Variants in MYLK observed in about 807,000 individuals in gnomAD.
The protein encoded by MYLK is myosin light chain kinase, smooth muscle.
MYLK carries 106 observed loss-of-function variants against 203.4 expected under a neutral mutation model. The ratio of observed to expected loss-of-function variants is 0.52; its 90% CI spans 0.45 to 0.61. MYLK has a LOEUF of 0.61. Among genes scored for constraint, MYLK ranks in the 20% least tolerant of loss-of-function variants. The pLI is 0.00. For missense variants in MYLK, 2,072 were observed against 2,442.3 expected (o/e 0.85, Z 3.20); for synonymous variants, 867 against 959.5 (o/e 0.90, Z 1.78).
At chr3:123,795,984 G>A (rs1476708052) in intron 3 of MYLK, among the ~76,000 whole-genome samples, 1 of 152,130 alleles carries the variant, frequency 6.6e-6, no homozygotes, top group East Asian at 1.9e-4. Context: ...GCAGCAAAGG[G>A]ACTAGGCTCA....
chr3:123,655,897 G>A (rs959760430), intron 24 of MYLK, among the ~76,000 whole-genome samples: 5 of 152,220 alleles, frequency 3.3e-5, no homozygotes, highest in African/African-American at 1.2e-4. Context: ...TAGCCATGGT[G>A]AATTATAACA....
In MYLK at chr3:123,629,819, G is replaced by C. The variant is rs1342020954; in HGVS notation, c.4962-193C>G. 1 of 612,760 alleles carries C rather than the reference G, an allele frequency of 1.6e-6. No homozygotes were observed. Among genetic ancestry groups the C allele is most frequent in the Non-Finnish European group, 2.9e-6 (1 of 349,706 alleles). 38.0% of individuals were successfully genotyped at this position (612,760 alleles called of 1,614,324 possible). On this transcript the variant is annotated intron_variant, in intron 29 of 33. Coordinates refer to ENST00000360304, the MANE Select transcript of MYLK (RefSeq NM_053025.4). The surrounding 1 kb of genome is among the most constrained non-coding windows in gnomAD (Gnocchi z 4.4). ...GTGGTTCACAGCCCTGTCTTTTCTT[G>C]GTCACCTGCCTCTTGACACCACCTA...
chr3:123,845,460 T>C (rs1172862074), intron 2 of MYLK, among the ~76,000 whole-genome samples: 2 of 152,076 alleles, frequency 1.3e-5, no homozygotes, highest in African/African-American at 4.8e-5. Flanking sequence ...GCTGGGGAAA[T>C]AGACATGAGC....
intron 21 of MYLK, chr3:123,666,821 T>TAGGGCAGAGGATGGACAGC (rs1682450091): frequency 1.8e-6 from 1 of 567,628 alleles, no homozygotes; most frequent in African/African-American, 1.9e-5. Flanking sequence ...TACACAAGGG[T>TAGGGCAGAGGATGGACAGC]AGGGCAGAGG....
At chr3:123,838,813 A>G (rs971078055) in intron 2 of MYLK, among the ~76,000 whole-genome samples, 3 of 152,098 alleles carry the variant, frequency 2.0e-5, no homozygotes, top group African/African-American at 7.2e-5. Flanking sequence ...AAAAATTCTC[A>G]GCTGGATGTG....
chr3:123,770,693 T>G (rs535034814), intron 4 of MYLK, among the ~76,000 whole-genome samples: 1 of 152,316 alleles, frequency 6.6e-6, no homozygotes, highest in African/African-American at 2.4e-5. Context: ...GTATAGTTGA[T>G]GGAAGTTGGT....
chr3:123,644,026 T>G (rs2108145056), intron 27 of MYLK, among the ~76,000 whole-genome samples: 1 of 152,356 alleles, frequency 6.6e-6, no homozygotes, highest in Non-Finnish European at 1.5e-5. Context: ...TCAGACCAAC[T>G]ACTATATGGT....
chr3:123,791,246 T>A (rs2064768540), intron 4 of MYLK, among the ~76,000 whole-genome samples: 2 of 152,276 alleles, frequency 1.3e-5, no homozygotes, highest in South Asian at 2.1e-4. Flanking sequence ...AAGTTTTGAG[T>A]GTTTGGAGCT....
chr3:123,720,254 G>A (rs983770090), intron 13 of MYLK, among the ~76,000 whole-genome samples: 13 of 152,184 alleles, frequency 8.5e-5, no homozygotes, highest in Admixed American at 3.9e-4. Flanking sequence ...CCACAGGCCC[G>A]GGAGTCAGGA....
intron 27 of MYLK, chr3:123,644,699 T>A (rs1268119343): frequency 6.6e-6 from 1 of 152,204 alleles, no homozygotes; most frequent in African/African-American, 2.4e-5. Flanking sequence ...TGTTCTAGAA[T>A]AAATGTGAAA....
At chr3:123,734,968 T>TAGATCTC in intron 9 of MYLK, 1 of 281,256 alleles carries the variant, frequency 3.6e-6, no homozygotes, top group Non-Finnish European at 7.0e-6. Context: ...TGCGTTCGTG[T>TAGATCTC]GGTTTAAGCC....
intron 2 of MYLK, among the ~76,000 whole-genome samples, chr3:123,832,165 T>C (rs1413033993): frequency 6.6e-6 from 1 of 152,184 alleles, no homozygotes; most frequent in Non-Finnish European, 1.5e-5. Context: ...ACTGTGCTTC[T>C]AGAGGAGTGT....
chr3:123,621,900 GAAC>G (rs1482451340), intron 31 of MYLK: 5 of 152,316 alleles, frequency 3.3e-5, no homozygotes, highest in Non-Finnish European at 7.3e-5. Context: ...GATGAAAACT[GAAC>G]AACTTAACTG....
chr3:123,723,202 C>G (rs1489504475), intron 12 of MYLK, among the ~76,000 whole-genome samples: 1 of 152,154 alleles, frequency 6.6e-6, no homozygotes, highest in African/African-American at 2.4e-5. Flanking sequence ...AAATTGGGGT[C>G]GGCCAGTGGG....
In MYLK at chr3:123,739,208, G is replaced by A. The variant is rs2062781002; in HGVS notation, c.423-146C>T. 8 of 930,946 alleles carry A rather than the reference G, an allele frequency of 8.6e-6. No homozygotes were observed. In the South Asian group the frequency reaches 1.0e-4, roughly 12 times the overall value. 57.7% of individuals were successfully genotyped at this position (930,946 alleles called of 1,614,324 possible). ...TTTTATGCCTCAGAAACTTTCTCAT[G>A]CTCTCTCTAGAAAAATGTGTGGCAC... On this transcript the variant is annotated intron_variant, in intron 6 of 33. Transcript: ENST00000360304.
intron 18 of MYLK, among the ~76,000 whole-genome samples, chr3:123,695,651 C>G (rs861043): frequency 1.3e-5 from 2 of 152,154 alleles, no homozygotes; most frequent in Non-Finnish European, 2.9e-5. Context: ...TGCATAAATC[C>G]ATTTTTCGTA....
chr3:123,704,679 G>A (rs2061381846), intron 16 of MYLK, among the ~76,000 whole-genome samples: 1 of 147,018 alleles, frequency 6.8e-6, no homozygotes, highest in Non-Finnish European at 1.5e-5. Flanking sequence ...TGAGGTGGGC[G>A]AATCATGAGG....
Position 123,850,465 on chromosome 3 carries a change from G to A in MYLK, c.-126-18795C>T, listed in dbSNP as rs907892032. Reference sequence around the variant, plus strand: ...CTGGTGTGAGATGGTATCTCATTGCGGTTTTGATTTGCATTTCTCTGATGG... The same window carrying A: ...CTGGTGTGAGATGGTATCTCATTGCAGTTTTGATTTGCATTTCTCTGATGG... On this transcript the variant is annotated intron_variant, in intron 2 of 33. Coordinates refer to ENST00000360304, the MANE Select transcript of MYLK (RefSeq NM_053025.4). 5.3e-5 allele frequency among the ~76,000 whole-genome samples: 8 copies of A among 152,210 alleles called. No individual in the cohort carries two copies. In the South Asian group the frequency reaches 6.2e-4, roughly 12 times the overall value.
At chr3:123,743,272 T>C (rs976604207) in intron 5 of MYLK, among the ~76,000 whole-genome samples, 3 of 152,178 alleles carry the variant, frequency 2.0e-5, no homozygotes, top group Admixed American at 1.3e-4. Context: ...TCCCAAAGAA[T>C]AGCAAAAGAA....
Sources: allele counts gnomAD v4.1 joint callset (sites outside exome capture counted in the v4.1 genomes callset), GRCh38; gene constraint gnomAD v4.1.1; non-coding constraint Gnocchi (gnomAD v3.1); transcripts MANE v1.5; gene names NCBI Gene and HGNC (gene_info 2026-07-23, HGNC 2026-07-21).